The following ERBB4 variants were observed in gnomAD, a reference collection of about 807,000 sequenced individuals.
ERBB4 encodes the protein receptor tyrosine-protein kinase erbB-4.
Under a neutral mutation model 158.0 loss-of-function variants are expected in ERBB4, and 42 were observed. The observed-to-expected ratio is 0.27, with a 90% CI of 0.21 to 0.34. The LOEUF (loss-of-function observed/expected upper bound fraction) is 0.34, where lower values mean the gene tolerates loss of function less well. Ranked by LOEUF, ERBB4 falls within the 10% of genes least tolerant of loss-of-function variation. The pLI, the probability that ERBB4 is intolerant of heterozygous loss-of-function variation, is 1.00. For synonymous variants in ERBB4, 583 were observed against 558.7 expected (o/e 1.04, Z -0.61); for missense variants, 1,333 against 1,624.1 (o/e 0.82, Z 3.08).
intron 17 of ERBB4, among the ~76,000 whole-genome samples, chr2:211,628,372 T>C (rs1179762588): frequency 1.3e-5 from 2 of 152,150 alleles, no homozygotes; most frequent in East Asian, 3.9e-4. Context: ...CCTGTGTCCA[T>C]GTGTTCTCAT....
intron 2 of ERBB4, among the ~76,000 whole-genome samples, chr2:211,961,087 G>C (rs751762439): frequency 6.6e-6 from 1 of 151,958 alleles, no homozygotes; most frequent in African/African-American, 2.4e-5. Context: ...AAAAATTGGA[G>C]CATTGCCACT....
intron 2 of ERBB4, among the ~76,000 whole-genome samples, chr2:212,058,383 C>T (rs1326831954): frequency 1.3e-5 from 2 of 150,596 alleles, no homozygotes; most frequent in Non-Finnish European, 2.9e-5. Context: ...TCATACCATT[C>T]CTTATAAAAC....
chr2:212,139,194 C>T (rs2080365165), intron 1 of ERBB4, among the ~76,000 whole-genome samples: 1 of 152,012 alleles, frequency 6.6e-6, no homozygotes, highest in Admixed American at 6.6e-5. Context: ...CACTATGACA[C>T]ACAAAGAAGA....
intron 20 of ERBB4, among the ~76,000 whole-genome samples, chr2:211,521,025 A>G (rs2066172874): frequency 6.6e-6 from 1 of 152,140 alleles, no homozygotes; most frequent in Admixed American, 6.5e-5. Flanking sequence ...CCCCTGACAT[A>G]CAGAAATGTT....
chr2:211,397,531 A>G (rs2125344093), intron 25 of ERBB4, among the ~76,000 whole-genome samples: 1 of 152,310 alleles, frequency 6.6e-6, no homozygotes, highest in Non-Finnish European at 1.5e-5. Flanking sequence ...TCAGGATGAT[A>G]CAGCTAGTTA....
chr2:211,470,959 A>G (rs573538972), intron 20 of ERBB4, among the ~76,000 whole-genome samples: 130 of 152,264 alleles, frequency 8.5e-4, no homozygotes, highest in African/African-American at 3.1e-3. Flanking sequence ...AACCATTTGG[A>G]CAAACAGGCT....
At chr2:211,646,596 C>G (rs982096794) in intron 16 of ERBB4, among the ~76,000 whole-genome samples, 14 of 151,590 alleles carry the variant, frequency 9.2e-5, no homozygotes, top group African/African-American at 3.1e-4. Flanking sequence ...TACTGATTTA[C>G]TAGTAATCTG....
chr2:211,551,506 T>G (rs1223836593), intron 20 of ERBB4, among the ~76,000 whole-genome samples: 1 of 152,182 alleles, frequency 6.6e-6, no homozygotes, highest in East Asian at 1.9e-4. Flanking sequence ...TGTCCAAATA[T>G]ACCCAAGGAA....
intron 3 of ERBB4, among the ~76,000 whole-genome samples, chr2:211,847,792 T>A (rs1195977366): frequency 1.3e-5 from 2 of 152,160 alleles, no homozygotes; most frequent in African/African-American, 4.8e-5. Flanking sequence ...TTATTGAGGC[T>A]TTCCTTTGTG....
At chr2:212,339,170 C>G (rs1275791179) in intron 1 of ERBB4, among the ~76,000 whole-genome samples, 2 of 152,134 alleles carry the variant, frequency 1.3e-5, no homozygotes, top group East Asian at 3.9e-4. Context: ...CTCCCCAACC[C>G]CACACCTCAT....
chr2:212,261,702 G>T (rs1213723176), intron 1 of ERBB4, among the ~76,000 whole-genome samples: 2 of 151,938 alleles, frequency 1.3e-5, no homozygotes, highest in Non-Finnish European at 2.9e-5. Context: ...GTTAAGATGG[G>T]TAATAATATA....
At chr2:212,170,260 A>T (rs887674845) in intron 1 of ERBB4, among the ~76,000 whole-genome samples, 6 of 152,222 alleles carry the variant, frequency 3.9e-5, no homozygotes, top group Non-Finnish European at 5.9e-5. Flanking sequence ...CACTCTTGAT[A>T]TGCTTTAGCA....
At chr2:211,956,029 A>AGTGT (rs3070122) in intron 2 of ERBB4, among the ~76,000 whole-genome samples, 9,466 of 146,346 alleles carry the variant, frequency 0.065, 346 homozygotes, top group African/African-American at 0.11. Flanking sequence ...TCATCTCTAA[A>AGTGT]GTGTGTGTGT....
chr2:211,622,372 AC>A (rs1439475839), intron 18 of ERBB4, among the ~76,000 whole-genome samples: 2 of 152,170 alleles, frequency 1.3e-5, no homozygotes, highest in African/African-American at 4.8e-5. Context: ...CAAAGTAGGT[AC>A]TCAAATTTTT....
chr2:212,055,432 G>A (rs187303124), intron 2 of ERBB4, among the ~76,000 whole-genome samples: 1 of 152,294 alleles, frequency 6.6e-6, no homozygotes, highest in East Asian at 1.9e-4. Flanking sequence ...AGAGAGTAGT[G>A]GTTCTCCCAA....
intron 19 of ERBB4, among the ~76,000 whole-genome samples, chr2:211,573,607 T>C (rs1187012624): frequency 6.6e-6 from 1 of 151,974 alleles, no homozygotes; most frequent in Non-Finnish European, 1.5e-5. Context: ...GAGGCGGAGC[T>C]TGCAGTGAGC....
chr2:211,750,548 A>G, intron 5 of ERBB4, 91 bp downstream of exon 5: 1 of 1,107,414 alleles, frequency 9.0e-7, no homozygotes, highest in Non-Finnish European at 1.4e-6. Context: ...AGCTCATTTC[A>G]TGTTTTAGAT....
At chr2:211,908,061 G>T (rs1025129771) in intron 3 of ERBB4, among the ~76,000 whole-genome samples, 3 of 151,510 alleles carry the variant, frequency 2.0e-5, no homozygotes, top group African/African-American at 7.3e-5. Flanking sequence ...AACATATTTA[G>T]GTATCTCCTT....
chr2:211,829,365 T>C (rs1414383340), intron 3 of ERBB4, among the ~76,000 whole-genome samples: 2 of 152,178 alleles, frequency 1.3e-5, no homozygotes, highest in Non-Finnish European at 2.9e-5. Flanking sequence ...AATTTTTATA[T>C]AATATTTGAT....
Sources: allele counts gnomAD v4.1 joint callset (sites outside exome capture counted in the v4.1 genomes callset), GRCh38; gene constraint gnomAD v4.1.1; transcripts MANE v1.5; gene names NCBI Gene and HGNC (gene_info 2026-07-23, HGNC 2026-07-21).